WWOX: variants seen among roughly 807,000 people sequenced by gnomAD.
WWOX encodes WW domain containing oxidoreductase.
In WWOX, 69 loss-of-function variants were observed where a neutral mutation model predicts 46.2. The observed-to-expected ratio is 1.49, with a 90% confidence interval of 1.23 to 1.82. The LOEUF (loss-of-function observed/expected upper bound fraction) is 1.82. Among genes scored for constraint, WWOX ranks in the 40% most tolerant of loss-of-function variants. The pLI is 0.00. For synonymous variants in WWOX, 359 were observed against 202.6 expected, an observed-to-expected ratio of 1.77 and a Z score of -6.56; for missense variants, 919 against 542.6, an observed-to-expected ratio of 1.69 and a Z score of -6.89.
At chr16:78,470,765 G>GT (rs2084202748) in intron 8 of WWOX, among the ~76,000 whole-genome samples, 1 of 152,020 alleles carries the variant, frequency 6.6e-6, no homozygotes, top group South Asian at 2.1e-4. Flanking sequence ...CTGACCTCAG[G>GT]TGATTGACCT....
intron 8 of WWOX, chr16:78,552,237 C>T (rs920090890): frequency 2.0e-5 from 3 of 152,120 alleles, no homozygotes; most frequent in African/African-American, 7.2e-5. Context: ...AATGCCGTTC[C>T]GATGAGGCCG....
At chr16:78,320,995 C>A (rs539592846) in intron 5 of WWOX, among the ~76,000 whole-genome samples, 1 of 152,092 alleles carries the variant, frequency 6.6e-6, no homozygotes, top group Non-Finnish European at 1.5e-5. Flanking sequence ...TAGCTTGATT[C>A]TATTTATAAT....
At chr16:78,951,454 C>T (rs1234084095) in intron 8 of WWOX, among the ~76,000 whole-genome samples, 2 of 147,914 alleles carry the variant, frequency 1.4e-5, no homozygotes, top group Non-Finnish European at 3.0e-5. Flanking sequence ...CACCTTAGAG[C>T]ATGGGAGCGG....
chr16:78,261,784 CTATCTATATA>C (rs1360042903), intron 5 of WWOX, among the ~76,000 whole-genome samples: 14 of 50,900 alleles, frequency 2.8e-4, no homozygotes, highest in African/African-American at 1.7e-3. Context: ...ATCTATCTAT[CTATCTATATA>C]TATATATATA....
intron 8 of WWOX, among the ~76,000 whole-genome samples, chr16:79,161,707 T>C (rs950719233): frequency 1.3e-5 from 2 of 151,992 alleles, no homozygotes; most frequent in Admixed American, 6.6e-5. Flanking sequence ...TTAGTAGAGA[T>C]GGGGTTTCAC....
In WWOX at chr16:79,142,972, G is replaced by C. The variant is rs546420629; in HGVS notation, c.1057-68636G>C. Reference sequence around the variant, plus strand: ...GCCTGCCTCAGCCTCCCAAAGAGCAGAGATTACAGGCGTGAGCTACCACAC... The same window carrying C: ...GCCTGCCTCAGCCTCCCAAAGAGCACAGATTACAGGCGTGAGCTACCACAC... On this transcript the variant is annotated intron_variant, in intron 8 of 8. Transcript: ENST00000566780. 7.2e-5 allele frequency among the ~76,000 whole-genome samples: 11 copies of C among 152,214 alleles called. No homozygotes were observed. In the South Asian group the frequency reaches 2.3e-3, roughly 32 times the overall value.
chr16:78,576,529 A>G (rs910872736), intron 8 of WWOX, among the ~76,000 whole-genome samples: 1 of 152,200 alleles, frequency 6.6e-6, no homozygotes, highest in South Asian at 2.1e-4. Context: ...CCATGAAAGC[A>G]GTGACCACAT....
chr16:78,760,575 C>T (rs138408626), intron 8 of WWOX, among the ~76,000 whole-genome samples: 275 of 152,310 alleles, frequency 1.8e-3, no homozygotes, highest in Middle Eastern at 6.8e-3. Flanking sequence ...GCCCACAATG[C>T]ACTTGGGGTT....
At chr16:78,537,662 C>T (rs1597230957) in intron 8 of WWOX, among the ~76,000 whole-genome samples, 1 of 152,108 alleles carries the variant, frequency 6.6e-6, no homozygotes. Context: ...GTTGTGACAA[C>T]TGTCTCGGGG....
intron 8 of WWOX, among the ~76,000 whole-genome samples, chr16:78,739,851 C>T (rs539842483): frequency 6.6e-6 from 1 of 152,200 alleles, no homozygotes; most frequent in African/African-American, 2.4e-5. Context: ...CCAGATATTC[C>T]TTATTATGGA....
chr16:78,174,389 C>T (rs1351165130), intron 5 of WWOX, among the ~76,000 whole-genome samples: 1 of 152,064 alleles, frequency 6.6e-6, no homozygotes, highest in Non-Finnish European at 1.5e-5. Flanking sequence ...TCAATTACCT[C>T]CCCCCGGGTC....
At chr16:78,150,149 C>T (rs897228861) in intron 4 of WWOX, among the ~76,000 whole-genome samples, 4 of 152,202 alleles carry the variant, frequency 2.6e-5, no homozygotes, top group African/African-American at 7.2e-5. Flanking sequence ...ACCATCTCCT[C>T]AGGCTTGATA....
intron 5 of WWOX, among the ~76,000 whole-genome samples, chr16:78,316,530 A>G (rs2080358735): frequency 6.6e-6 from 1 of 151,794 alleles, no homozygotes; most frequent in Non-Finnish European, 1.5e-5. Flanking sequence ...TTTAATAGAG[A>G]TGTGGTTTTG....
chr16:78,138,200 C>A (rs2033866520), intron 4 of WWOX, among the ~76,000 whole-genome samples: 1 of 150,794 alleles, frequency 6.6e-6, no homozygotes, highest in Non-Finnish European at 1.5e-5. Flanking sequence ...CTGCAAGAGC[C>A]AGCCCAGTTT....
chr16:78,469,948 G>T (rs1020539127), intron 8 of WWOX, among the ~76,000 whole-genome samples: 2 of 152,204 alleles, frequency 1.3e-5, no homozygotes, highest in Non-Finnish European at 2.9e-5. Context: ...CATCTACATT[G>T]TATGTTGGTA....
intron 6 of WWOX, among the ~76,000 whole-genome samples, chr16:78,398,104 C>A (rs1278108032): frequency 6.6e-6 from 1 of 152,268 alleles, no homozygotes; most frequent in African/African-American, 2.4e-5. Flanking sequence ...CAGAAGAAGA[C>A]CAAGGGGTCG....
At chr16:78,125,155 G>A (rs140398054) in intron 4 of WWOX, among the ~76,000 whole-genome samples, 121 of 152,224 alleles carry the variant, frequency 7.9e-4, no homozygotes, top group African/African-American at 2.4e-3. Context: ...ATTGATAGCC[G>A]TTTAAAATTT....
chr16:79,191,686 T>C (rs1210904398), intron 8 of WWOX, among the ~76,000 whole-genome samples: 1 of 152,168 alleles, frequency 6.6e-6, no homozygotes, highest in Non-Finnish European at 1.5e-5. Flanking sequence ...AAATAGGCCA[T>C]GATAAAGAAT....
intron 8 of WWOX, among the ~76,000 whole-genome samples, chr16:78,948,172 G>A (rs143195299): frequency 1.1e-4 from 17 of 152,294 alleles, no homozygotes; most frequent in Non-Finnish European, 1.8e-4. Flanking sequence ...ACCTGCCTCC[G>A]TGGTTTGTCA....
Sources: gnomAD v4.1 joint callset for allele counts (sites outside exome capture counted in the v4.1 genomes callset) on GRCh38, gnomAD v4.1.1 for gene constraint, MANE v1.5 for transcripts, NCBI Gene and HGNC (gene_info 2026-07-23, HGNC 2026-07-21) for gene names.